The following ALDH3B1 variants were observed in gnomAD, a reference collection of about 807,000 sequenced individuals.
ALDH3B1 encodes aldehyde dehydrogenase family 3 member B1.
In ALDH3B1, 37 loss-of-function variants were observed where a neutral mutation model predicts 46.2. The ratio of observed to expected loss-of-function variants is 0.80; its 90% confidence interval spans 0.62 to 1.05. The LOEUF is 1.05. ALDH3B1 is among the 50% of genes least tolerant of loss of function. ALDH3B1 has a pLI of 0.00. For synonymous variants in ALDH3B1, 283 were observed against 281.0 expected (o/e 1.01, Z -0.07); for missense variants, 603 against 665.5 (o/e 0.91, Z 1.03).
rs1395662096 is a variant in ALDH3B1, at chr11:68,027,868, C to T, written c.1336C>T (p.Gln446Ter). The T allele has an allele frequency of 1.9e-6, 3 of 1,562,446 alleles. No individual in the cohort carries two copies. Among genetic ancestry groups the T allele is most frequent in the South Asian group, 1.2e-5 (1 of 84,824 alleles). ...GCTCAACGCCCTCCGCTACCCGCCG[C>T]AATCGCCGCGCCGCCTGAGGATGCT... ...EKLNALRYPP[Q>*]SPRRLRMLLV... The change falls in exon 10 of 10, where the codon CAA becomes TAA. Residue 446 changes from glutamine (Q) to a stop codon, truncating the protein, a stop_gained. Transcript: ENST00000342456. LOFTEE classifies it high-confidence loss of function.
chr11:68,019,259 A>T lies in ALDH3B1; in HGVS notation c.480+4A>T. The T allele has an allele frequency of 6.2e-7, 1 of 1,612,096 alleles. No homozygotes were observed. The highest frequency in any genetic ancestry group is 1.3e-5 in the African/African-American group (1 of 75,030). On this transcript the variant is annotated splice_donor_region_variant and intron_variant, in intron 5 of 9. Coordinates refer to ENST00000342456, the MANE Select transcript of ALDH3B1 (RefSeq NM_000694.4). Reference sequence around the variant, plus strand: ...GCTGCCCCAATACGTGGACCAGGTGAGCAGGGCTGCCGGGCAGGTAGAGCG... The same window carrying T: ...GCTGCCCCAATACGTGGACCAGGTGTGCAGGGCTGCCGGGCAGGTAGAGCG...
chr11:68,018,800 C>A lies in ALDH3B1; in HGVS notation c.301C>A (p.Arg101=). 1 of 1,558,790 alleles carries A rather than the reference C, an allele frequency of 6.4e-7. No individual in the cohort carries two copies. The highest frequency in any genetic ancestry group is 8.7e-7 in the Non-Finnish European group (1 of 1,151,550). Reference sequence around the variant, plus strand: ...CACGCAGCTGGACTCCGCCTTCATCCGGAAGGAGCCCTTTGGCCTGGTCCT... The same window carrying A: ...CACGCAGCTGGACTCCGCCTTCATCAGGAAGGAGCCCTTTGGCCTGGTCCT... ...LATQLDSAFI[R]KEPFGLVLII... is the part of the protein sequence containing the mutation. Residue 101 remains arginine (R), a synonymous_variant, in exon 4 of 10, where the codon CGG becomes AGG. Transcript: ENST00000342456.
rs934252683 is a variant in ALDH3B1, at chr11:68,028,945, A to G, written c.*1006A>G. On this transcript the variant is annotated 3_prime_UTR_variant, in exon 10 of 10. Coordinates refer to ENST00000342456, the MANE Select transcript of ALDH3B1 (RefSeq NM_000694.4). Reference sequence around the variant, plus strand: ...AGTCATACTCTTCCCCATGCTGCTCATCCTCCTGGGCCCCATCCACTCAGC... The same window carrying G: ...AGTCATACTCTTCCCCATGCTGCTCGTCCTCCTGGGCCCCATCCACTCAGC... 6 of 152,210 alleles carry G rather than the reference A, an allele frequency of 3.9e-5. No individual in the cohort carries two copies. Among genetic ancestry groups the G allele is most frequent in the Non-Finnish European group, 8.8e-5 (6 of 68,088 alleles). The allele number at this position is 152,210 out of a possible 1,614,324, so 9.4% of individuals were successfully genotyped here.
intron 7 of ALDH3B1, 79 bp from the exon 8 acceptor site, chr11:68,022,516 C>A: frequency 6.6e-7 from 1 of 1,505,456 alleles, no homozygotes; most frequent in Non-Finnish European, 8.8e-7. Context: ...TGGCCTGTGG[C>A]CCTGTCCCCA....
chr11:68,015,468 G>C lies in ALDH3B1; in HGVS notation c.162+9G>C, dbSNP rs1390118693. The C allele has an allele frequency of 1.3e-6, 2 of 1,567,758 alleles. No individual in the cohort carries two copies. Among genetic ancestry groups the C allele is most frequent in the South Asian group, 1.2e-5 (1 of 85,212 alleles). On this transcript the variant is annotated intron_variant, in intron 2 of 9. Coordinates refer to ENST00000342456, the MANE Select transcript of ALDH3B1 (RefSeq NM_000694.4). ...CCCAGGACCTGCACAAGGTGGGCTGGGGTTGGGGGTATGAGAGGGTGCACT... is the reference window on the plus strand; with the variant it reads ...CCCAGGACCTGCACAAGGTGGGCTGCGGTTGGGGGTATGAGAGGGTGCACT...
At chr11:68,015,234 T>C in intron 1 of ALDH3B1, 63 bp from the exon 2 acceptor site, 1 of 1,441,532 alleles carries the variant, frequency 6.9e-7, no homozygotes, top group Non-Finnish European at 9.1e-7. Flanking sequence ...CTGGGGCGGC[T>C]GGGTGGTGCC....
rs1286501945 is a variant in ALDH3B1 at position 68,029,075 on chromosome 11, C to T, written c.*1136C>T. ...AAACTGGCCCAATTTCCTAACAAGC[C>T]GGATGCTTGAGAAACCTACATTTGG... On this transcript the variant is annotated 3_prime_UTR_variant, in exon 10 of 10. Coordinates refer to ENST00000342456, the MANE Select transcript of ALDH3B1 (RefSeq NM_000694.4). 1.3e-5 allele frequency: 2 copies of T among 152,220 alleles called. No individual in the cohort carries two copies. The highest frequency in any genetic ancestry group is 4.8e-5 in the African/African-American group (2 of 41,446). 9.4% of individuals were successfully genotyped at this position (152,220 alleles called of 1,614,324 possible). A position where few individuals can be genotyped will look rare whatever the true frequency, so the allele number is the denominator to read the frequency against.
upstream of ALDH3B1, chr11:68,010,289 C>CA (rs1857201948): frequency 6.6e-6 from 1 of 152,300 alleles, no homozygotes; most frequent in Admixed American, 6.5e-5. Context: ...AACTCCGCCC[C>CA]ACCCCTCCCC....
chr11:68,026,977 G>A (rs946928900), intron 9 of ALDH3B1, among the ~76,000 whole-genome samples: 2 of 151,882 alleles, frequency 1.3e-5, no homozygotes, highest in African/African-American at 2.4e-5. Context: ...GAGGAGAGTC[G>A]GGGCTGTCTG....
In ALDH3B1 at chr11:68,021,519, T is replaced by G. The variant is rs1028932145; in HGVS notation, c.597T>G (p.Ala199=). 1.2e-6 allele frequency: 2 copies of G among 1,613,732 alleles called. No individual in the cohort carries two copies. Among genetic ancestry groups the G allele is most frequent in the Non-Finnish European group, 1.7e-6 (2 of 1,179,814 alleles). Residue 199 remains alanine, a synonymous_variant, in exon 7 of 10, where the codon GCT becomes GCG. Coordinates refer to ENST00000342456, the MANE Select transcript of ALDH3B1 (RefSeq NM_000694.4). ...SPRVGKIVMT[A]AAKHLTPVTL... is the part of the protein sequence containing the mutation. Reference sequence around the variant, plus strand: ...GTGTGGGCAAGATTGTTATGACTGCTGCCGCCAAGCACCTGACACCTGTCA... The same window carrying G: ...GTGTGGGCAAGATTGTTATGACTGCGGCCGCCAAGCACCTGACACCTGTCA...
Position 68,027,743 on chromosome 11 carries a change from G to GT in ALDH3B1, c.1217-5dup, listed in dbSNP as rs1280510763. ...CTGACCACCTGTGTTCTGTGCCACTGTACAGGTGCCAGTGGGATGGGCCGG... is the reference window on the plus strand; with the variant it reads ...CTGACCACCTGTGTTCTGTGCCACTGTTACAGGTGCCAGTGGGATGGGCCGG... On this transcript the variant is annotated splice_polypyrimidine_tract_variant and splice_region_variant and intron_variant, in intron 9 of 9. Coordinates refer to ENST00000342456, the MANE Select transcript of ALDH3B1 (RefSeq NM_000694.4). 2 of 1,554,350 alleles carry GT rather than the reference G, an allele frequency of 1.3e-6. No homozygotes were observed. The highest frequency in any genetic ancestry group is 3.9e-5 in the Admixed American group (2 of 50,986).
chr11:68,019,051 A>G, intron 4 of ALDH3B1, 119 bp from the exon 5 acceptor site: 1 of 1,445,136 alleles, frequency 6.9e-7, no homozygotes, highest in East Asian at 2.5e-5. Context: ...CCGTCATGTT[A>G]CCTCTCTGAA....
intron 2 of ALDH3B1, chr11:68,017,078 C>T (rs1352145420): frequency 6.6e-6 from 1 of 152,362 alleles, no homozygotes; most frequent in Admixed American, 6.5e-5. Context: ...CCCAGTGGCC[C>T]CCAGAAGAGG....
At chr11:68,017,818 C>T (rs993097904) in intron 2 of ALDH3B1, 2 of 152,220 alleles carry the variant, frequency 1.3e-5, no homozygotes, top group African/African-American at 2.4e-5. Flanking sequence ...GAGTTCAAGA[C>T]CTACCTAGGC....
At chr11:68,026,239 G>A in intron 9 of ALDH3B1, 131 bp downstream of exon 9, 1 of 730,702 alleles carries the variant, frequency 1.4e-6, no homozygotes, top group Non-Finnish European at 2.1e-6. Context: ...CCTCACCCCA[G>A]AACCCGCATC....
chr11:68,015,068 G>A (rs1857315015), intron 1 of ALDH3B1: 3 of 461,960 alleles, frequency 6.5e-6, no homozygotes, highest in Admixed American at 7.7e-5. Context: ...TGGTGCGAGG[G>A]TCTTCATGTG....
At chr11:68,018,485 C>T (rs1202164452) in intron 2 of ALDH3B1, 42 bp from the exon 3 acceptor site, 2 of 1,491,424 alleles carry the variant, frequency 1.3e-6, no homozygotes, top group Non-Finnish European at 1.8e-6. Context: ...CCTGCCAACT[C>T]TGGGAATCCT....
In ALDH3B1 at chr11:68,018,538, G is replaced by A; in HGVS notation, c.174G>A (p.Glu58=). 1 of 1,571,998 alleles carries A rather than the reference G, an allele frequency of 6.4e-7. No homozygotes were observed. Among genetic ancestry groups the A allele is most frequent in the Non-Finnish European group, 8.6e-7 (1 of 1,158,756 alleles). The part of the protein sequence containing the change: ...LAQDLHKSAF[E]SEVSEVAISQ... ...CCCACTTCCTGCAGTCAGCCTTCGA[G>A]TCGGAGGTGTCTGAGGTTGCCATCA... The change falls in exon 3 of 10, where the codon GAG becomes GAA. Residue 58 remains glutamate (E), a synonymous_variant. Transcript: ENST00000342456.
chr11:68,018,711 G>A, intron 3 of ALDH3B1, 62 bp from the exon 4 acceptor site: 1 of 1,548,944 alleles, frequency 6.5e-7, no homozygotes, highest in Non-Finnish European at 8.7e-7. Context: ...CTCTGGGTGG[G>A]AGCTGGCTGC....
Sources: allele counts gnomAD v4.1 joint callset (sites outside exome capture counted in the v4.1 genomes callset), GRCh38; gene constraint gnomAD v4.1.1; transcripts MANE v1.5; gene names NCBI Gene and HGNC (gene_info 2026-07-23, HGNC 2026-07-21).